TBC1D10A: variants seen among roughly 807,000 people sequenced by gnomAD.
The protein encoded by TBC1D10A is TBC1 domain family member 10A, also known as EBP50-PDX interactor of 64 kDa.
In TBC1D10A, 24 loss-of-function variants were observed where a neutral mutation model predicts 52.9. That is an observed-to-expected ratio of 0.45 (90% CI 0.33 to 0.64). The LOEUF is 0.64. TBC1D10A is among the 30% of genes least tolerant of loss of function. The pLI is 0.02. For synonymous variants in TBC1D10A, 278 were observed against 282.9 expected (o/e 0.98, Z 0.17); for missense variants, 602 against 687.9 (o/e 0.88, Z 1.40).
chr22:30,293,646 TG>T lies in TBC1D10A; in HGVS notation c.1050+4del. ...CCCATGATAAGGGGCAGGCATGGGC[TG>T]TACCTCCTGGACCAGAAAGGCCTCC... On this transcript the variant is annotated splice_donor_region_variant and intron_variant, in intron 8 of 8. Coordinates refer to ENST00000215790, the MANE Select transcript of TBC1D10A (RefSeq NM_031937.3). 1 of 1,604,026 alleles carries T rather than the reference TG, an allele frequency of 6.2e-7. No homozygotes were observed. Among genetic ancestry groups the T allele is most frequent in the Non-Finnish European group, 8.5e-7 (1 of 1,172,744 alleles).
At chr22:30,295,934 C>T (rs923513594) in intron 3 of TBC1D10A, 91 bp from the exon 4 acceptor site, 3 of 1,189,186 alleles carry the variant, frequency 2.5e-6, no homozygotes, top group African/African-American at 3.0e-5. Flanking sequence ...GGGAGGGGGC[C>T]CTCCACCAGG....
intron 8 of TBC1D10A, 138 bp downstream of exon 8, chr22:30,293,513 C>T (rs1370292779): frequency 3.1e-6 from 4 of 1,274,354 alleles, no homozygotes; most frequent in African/African-American, 3.0e-5. Flanking sequence ...ATGAGGTCCA[C>T]CCACATGTTC....
Position 30,295,707 on chromosome 22 carries a change from C to T in TBC1D10A, c.524+30G>A, listed in dbSNP as rs1234419859. 6 of 1,610,998 alleles carry T rather than the reference C, an allele frequency of 3.7e-6. No individual in the cohort carries two copies. In the South Asian group the frequency reaches 6.6e-5, roughly 18 times the overall value. On this transcript the variant is annotated intron_variant, in intron 4 of 8. Transcript: ENST00000215790. Reference sequence around the variant, plus strand: ...CCTTAGAGACAGGCCCTAGAGCCACCTCCCACCTCATGAGGCCCAGCCTGC... The same window carrying T: ...CCTTAGAGACAGGCCCTAGAGCCACTTCCCACCTCATGAGGCCCAGCCTGC...
intron 1 of TBC1D10A, among the ~76,000 whole-genome samples, chr22:30,322,920 T>C (rs866303632): frequency 9.7e-5 from 13 of 134,046 alleles, no homozygotes; most frequent in African/African-American, 2.9e-4. Flanking sequence ...TGAGACAGGG[T>C]CATGTTCTGT....
At chr22:30,308,553 A>G (rs1481403613) in intron 1 of TBC1D10A, among the ~76,000 whole-genome samples, 2 of 152,192 alleles carry the variant, frequency 1.3e-5, no homozygotes, top group African/African-American at 4.8e-5. Flanking sequence ...TTTCTATTCT[A>G]TTGTTTTAAA....
Position 30,326,743 on chromosome 22 carries a change from C to A in TBC1D10A, c.139G>T (p.Ala47Ser). ...ATGCGGCGCTCGGCGAAGCCGTTGG[C>A]CTCCGAGTCAGACCCGAGAGAGCTG... ...ELSSLGSDSEANGFAERRIDK... is the reference protein window; with the variant it reads ...ELSSLGSDSESNGFAERRIDK... Residue 47 changes from alanine to serine, a missense_variant, in exon 1 of 9, where the codon GCC becomes TCC. Ala to Ser is a moderately conservative substitution (Grantham distance 99). Transcript: ENST00000215790. 1.3e-6 allele frequency: 2 copies of A among 1,540,768 alleles called. No homozygotes were observed. Among genetic ancestry groups the A allele is most frequent in the East Asian group, 2.6e-5 (1 of 38,020 alleles).
intron 1 of TBC1D10A, among the ~76,000 whole-genome samples, chr22:30,315,459 C>T (rs922063648): frequency 7.9e-5 from 12 of 152,152 alleles, no homozygotes; most frequent in African/African-American, 1.2e-4. Flanking sequence ...GATACAGTTT[C>T]GCTATGTTGC....
At chr22:30,306,159 A>G (rs532924909) in intron 1 of TBC1D10A, among the ~76,000 whole-genome samples, 2 of 152,332 alleles carry the variant, frequency 1.3e-5, no homozygotes, top group East Asian at 3.9e-4. Context: ...ACAGCCTTCT[A>G]GTTAACCAGT....
At chr22:30,301,987 T>C in intron 2 of TBC1D10A, among the ~76,000 whole-genome samples, 1 of 152,194 alleles carries the variant, frequency 6.6e-6, no homozygotes, top group East Asian at 1.9e-4. Context: ...CCACAGGCCC[T>C]TCAGGCTCTC....
chr22:30,295,179 G>C, intron 4 of TBC1D10A, 124 bp from the exon 5 acceptor site: 6 of 912,196 alleles, frequency 6.6e-6, no homozygotes, highest in Non-Finnish European at 1.0e-5. Flanking sequence ...AAGGTGATCT[G>C]CTTGTGGTCA....
chr22:30,300,958 G>A (rs1397515612), intron 2 of TBC1D10A, among the ~76,000 whole-genome samples: 1 of 152,150 alleles, frequency 6.6e-6, no homozygotes, highest in Non-Finnish European at 1.5e-5. Context: ...ATCAGGAAAA[G>A]TTTTCACTGG....
intron 1 of TBC1D10A, among the ~76,000 whole-genome samples, chr22:30,314,919 A>T (rs2145780681): frequency 6.6e-6 from 1 of 152,162 alleles, no homozygotes; most frequent in Middle Eastern, 3.4e-3. Context: ...CCAAGTGACT[A>T]CCACCACCCA....
intron 2 of TBC1D10A, among the ~76,000 whole-genome samples, chr22:30,302,225 G>C (rs1316111027): frequency 6.6e-6 from 1 of 152,222 alleles, no homozygotes; most frequent in Non-Finnish European, 1.5e-5. Context: ...GCATGGGAAA[G>C]TATTCCCAGA....
intron 2 of TBC1D10A, among the ~76,000 whole-genome samples, chr22:30,303,071 AG>A (rs1411665074): frequency 6.6e-6 from 1 of 152,244 alleles, no homozygotes; most frequent in East Asian, 1.9e-4. Flanking sequence ...GCTTGAGCTC[AG>A]GAGTTCCAGA....
intron 1 of TBC1D10A, among the ~76,000 whole-genome samples, chr22:30,308,277 A>AGCCTGCATGCCTGCAT (rs796209927): frequency 2.5e-4 from 20 of 81,180 alleles, no homozygotes; most frequent in Non-Finnish European, 4.0e-4. Flanking sequence ...GCCTCCACAC[A>AGCCTGCATGCCTGCAT]GCCTGCATGC....
chr22:30,306,517 G>A (rs1469141400), intron 1 of TBC1D10A, among the ~76,000 whole-genome samples: 6 of 152,086 alleles, frequency 3.9e-5, no homozygotes, highest in African/African-American at 1.4e-4. Context: ...ACCTCAAACC[G>A]GAACTTCAGA....
intron 1 of TBC1D10A, among the ~76,000 whole-genome samples, chr22:30,313,591 C>T (rs1480963018): frequency 3.4e-5 from 3 of 88,072 alleles, no homozygotes; most frequent in African/African-American, 1.4e-4. Context: ...TTAGCAGAGA[C>T]GGGGTTTCAC....
chr22:30,317,489 A>C (rs138107105), intron 1 of TBC1D10A, among the ~76,000 whole-genome samples: 77 of 152,332 alleles, frequency 5.1e-4, no homozygotes, highest in Middle Eastern at 3.4e-3. Context: ...TGGCTCAGTA[A>C]GGCATAGGGT....
intron 4 of TBC1D10A, 55 bp downstream of exon 4, chr22:30,295,682 C>G: frequency 6.4e-7 from 1 of 1,565,430 alleles, no homozygotes; most frequent in East Asian, 2.2e-5. Flanking sequence ...TCCTTAGACC[C>G]CTTAGAGACA....
Sources: allele counts gnomAD v4.1 joint callset (sites outside exome capture counted in the v4.1 genomes callset), GRCh38; gene constraint gnomAD v4.1.1; transcripts MANE v1.5; gene names NCBI Gene and HGNC (gene_info 2026-07-23, HGNC 2026-07-21).